The following NALCN variants were observed in gnomAD, a reference collection of about 807,000 sequenced individuals.
The protein encoded by NALCN is sodium leak channel NALCN.
A neutral mutation model predicts 225.3 loss-of-function variants in NALCN; 111 were observed. That is an observed-to-expected ratio of 0.49 (90% CI 0.42 to 0.58). The LOEUF (loss-of-function observed/expected upper bound fraction) is 0.58. Among genes scored for constraint, NALCN ranks in the 20% least tolerant of loss-of-function variants. The pLI, the probability that NALCN is intolerant of heterozygous loss-of-function variation, is 0.00. For missense variants in NALCN, 1,378 were observed against 2,202.4 expected (o/e 0.63, Z 7.49); for synonymous variants, 764 against 769.0 (o/e 0.99, Z 0.11).
chr13:101,283,445 G>A (rs1157513921), intron 10 of NALCN, among the ~76,000 whole-genome samples: 1 of 152,136 alleles, frequency 6.6e-6, no homozygotes, highest in South Asian at 2.1e-4. Flanking sequence ...ATCTCATGAG[G>A]ACTCTCAGGC....
At chr13:101,147,393 C>A (rs533378136) in intron 15 of NALCN, among the ~76,000 whole-genome samples, 4 of 136,044 alleles carry the variant, frequency 2.9e-5, no homozygotes, top group Admixed American at 1.6e-4. Context: ...CTTGCTCTGT[C>A]TCCCAGGCTG....
intron 28 of NALCN, among the ~76,000 whole-genome samples, chr13:101,092,198 A>G (rs1341443221): frequency 6.6e-6 from 1 of 152,178 alleles, no homozygotes; most frequent in African/African-American, 2.4e-5. Flanking sequence ...ATCTGACCAC[A>G]TAATTTTGTC....
chr13:101,072,601 C>A (rs2032973018), intron 37 of NALCN, among the ~76,000 whole-genome samples: 1 of 151,998 alleles, frequency 6.6e-6, no homozygotes, highest in Admixed American at 6.6e-5. Flanking sequence ...TTGGCAAATT[C>A]TCCTTGTTAA....
At chr13:101,415,204 C>CATATATATATATATATAT (rs1566668976) in intron 1 of NALCN, among the ~76,000 whole-genome samples, 4 of 30,544 alleles carry the variant, frequency 1.3e-4, no homozygotes, top group Non-Finnish European at 2.1e-4. Flanking sequence ...ATACAAATCA[C>CATATATATATATATATAT]ACACATATAT....
rs896155089 is a variant in NALCN at position 101,076,972 on chromosome 13, A to G, written c.3886-1031T>C. Among the ~76,000 whole-genome samples the G allele has an allele frequency of 1.1e-4, 17 of 152,256 alleles. 1 individual carries two copies. The highest frequency in any genetic ancestry group is 5.9e-4 in the Admixed American group (9 of 15,278). On this transcript the variant is annotated intron_variant, in intron 34 of 43. Coordinates refer to ENST00000251127, the MANE Select transcript of NALCN (RefSeq NM_052867.4). The stretch of plus-strand genomic sequence containing the variant: ...TCCCATAATCCCCATGTATCCTGGG[A>G]GGGACCAGGTGGAGATAATTGAATC...
At chr13:101,353,907 T>C (rs1218473531) in intron 6 of NALCN, among the ~76,000 whole-genome samples, 1 of 152,230 alleles carries the variant, frequency 6.6e-6, no homozygotes. Context: ...TGAATAGCTT[T>C]TTAAAATAAT....
intron 14 of NALCN, among the ~76,000 whole-genome samples, chr13:101,177,842 C>T (rs1258930743): frequency 2.6e-5 from 4 of 152,134 alleles, no homozygotes; most frequent in Admixed American, 2.0e-4. Flanking sequence ...AGTTATTATG[C>T]AGAAGTTAAT....
chr13:101,144,735 T>C (rs1358885040), intron 16 of NALCN, 25 bp downstream of exon 16: 2 of 1,597,618 alleles, frequency 1.3e-6, no homozygotes, highest in African/African-American at 1.4e-5. Context: ...ATGTGAAATA[T>C]GCAATTAAAG....
chr13:101,060,290 T>TTTTTTTTTG (rs2031780666), intron 41 of NALCN, among the ~76,000 whole-genome samples: 1 of 143,920 alleles, frequency 6.9e-6, no homozygotes, highest in African/African-American at 2.6e-5. Flanking sequence ...TTTTTTTTTT[T>TTTTTTTTTG]TTTTAGATAG....
intron 1 of NALCN, among the ~76,000 whole-genome samples, chr13:101,404,765 G>A (rs1444444774): frequency 6.6e-6 from 1 of 152,204 alleles, no homozygotes; most frequent in Non-Finnish European, 1.5e-5. Flanking sequence ...ATCATCCTCT[G>A]TCAATAAATA....
At chr13:101,336,267 C>T (rs72654864) in intron 7 of NALCN, among the ~76,000 whole-genome samples, 4,562 of 152,090 alleles carry the variant, frequency 0.03, 104 homozygotes, top group South Asian at 0.044. Flanking sequence ...GATTTATGAC[C>T]CACACAGGGA....
At chr13:101,233,847 G>A (rs370111471) in intron 12 of NALCN, among the ~76,000 whole-genome samples, 7 of 152,156 alleles carry the variant, frequency 4.6e-5, no homozygotes, top group African/African-American at 1.7e-4. Context: ...CGATATGTAA[G>A]AACCACAGCG....
At chr13:101,266,374 G>C (rs1380051235) in intron 10 of NALCN, among the ~76,000 whole-genome samples, 8 of 151,814 alleles carry the variant, frequency 5.3e-5, no homozygotes, top group African/African-American at 1.9e-4. Flanking sequence ...CTTTTTTTGT[G>C]GTATAAATGC....
intron 7 of NALCN, among the ~76,000 whole-genome samples, chr13:101,343,734 T>A (rs78380929): frequency 6.6e-6 from 1 of 152,188 alleles, no homozygotes; most frequent in Non-Finnish European, 1.5e-5. Flanking sequence ...TCCTCTCAAG[T>A]CAGCACAGTA....
chr13:101,127,416 T>C (rs1321948103), intron 17 of NALCN, among the ~76,000 whole-genome samples: 1 of 152,178 alleles, frequency 6.6e-6, no homozygotes, highest in African/African-American at 2.4e-5. Context: ...TGGAGGGCAG[T>C]GGTGTGATCC....
intron 37 of NALCN, among the ~76,000 whole-genome samples, chr13:101,073,299 C>A (rs2033025493): frequency 6.6e-6 from 1 of 152,102 alleles, no homozygotes; most frequent in African/African-American, 2.4e-5. Flanking sequence ...TCCTGTTTGA[C>A]TTTCATTACC....
At chr13:101,189,958 C>T (rs1214949918) in intron 14 of NALCN, among the ~76,000 whole-genome samples, 2 of 152,076 alleles carry the variant, frequency 1.3e-5, no homozygotes, top group Non-Finnish European at 2.9e-5. Context: ...ATAACCAATG[C>T]CATATTTTAG....
intron 7 of NALCN, among the ~76,000 whole-genome samples, chr13:101,333,062 G>A (rs377707486): frequency 6.6e-6 from 1 of 152,112 alleles, no homozygotes; most frequent in Non-Finnish European, 1.5e-5. Flanking sequence ...TAGAGTAAGT[G>A]CAAAATAACT....
At chr13:101,095,466 A>T in intron 28 of NALCN, 108 bp downstream of exon 28, 1 of 825,570 alleles carries the variant, frequency 1.2e-6, no homozygotes, top group Non-Finnish European at 1.9e-6. Context: ...AGATCATTTT[A>T]ACATCTCTAG....
Sources: gnomAD v4.1 joint callset for allele counts (sites outside exome capture counted in the v4.1 genomes callset) on GRCh38, gnomAD v4.1.1 for gene constraint, MANE v1.5 for transcripts, NCBI Gene and HGNC (gene_info 2026-07-23, HGNC 2026-07-21) for gene names.